Variants in AOPEP observed in about 807,000 individuals in gnomAD.
AOPEP encodes aminopeptidase O (putative).
Under a neutral mutation model 98.1 loss-of-function variants are expected in AOPEP, and 77 were observed. The ratio of observed to expected loss-of-function variants is 0.78; its 90% CI spans 0.65 to 0.95. AOPEP has a LOEUF of 0.95. Among genes scored for constraint, AOPEP ranks in the 40% least tolerant of loss-of-function variants. AOPEP has a pLI of 0.00. For synonymous variants in AOPEP, 346 were observed against 365.3 expected (o/e 0.95, Z 0.60); for missense variants, 1,024 against 1,024.7 (o/e 1.00, Z 0.01).
chr9:94,773,831 T>TAACG (rs1299173496), intron 3 of AOPEP, among the ~76,000 whole-genome samples: 1 of 152,174 alleles, frequency 6.6e-6, no homozygotes, highest in African/African-American at 2.4e-5. Context: ...AATGGCTTGA[T>TAACG]AACGGCTCAC....
intron 5 of AOPEP, among the ~76,000 whole-genome samples, chr9:94,817,685 T>A (rs966288269): frequency 6.6e-6 from 1 of 152,184 alleles, no homozygotes; most frequent in Non-Finnish European, 1.5e-5. Context: ...GGAACAGAAG[T>A]GATTTAGCAT....
intron 11 of AOPEP, among the ~76,000 whole-genome samples, chr9:94,986,187 C>T (rs72750360): frequency 0.047 from 7,081 of 152,188 alleles, 457 homozygotes; most frequent in African/African-American, 0.14. Flanking sequence ...AGACGGCCAC[C>T]TTCTCATCAT....
At chr9:94,946,682 C>A in intron 7 of AOPEP, among the ~76,000 whole-genome samples, 1 of 152,234 alleles carries the variant, frequency 6.6e-6, no homozygotes. Flanking sequence ...GAAGGCTCTT[C>A]TTTCTTTTCC....
At chr9:94,843,361 G>A (rs1245180481) in intron 5 of AOPEP, among the ~76,000 whole-genome samples, 2 of 152,172 alleles carry the variant, frequency 1.3e-5, no homozygotes, top group African/African-American at 4.8e-5. Context: ...TGATCACCTA[G>A]AGTGAGTTAA....
intron 1 of AOPEP, among the ~76,000 whole-genome samples, chr9:94,744,073 G>A (rs573529273): frequency 6.6e-6 from 1 of 152,260 alleles, no homozygotes; most frequent in East Asian, 1.9e-4. Context: ...AATGGAGTGG[G>A]GTTACTTAAT....
chr9:94,738,096 T>C (rs1189396540), intron 1 of AOPEP, among the ~76,000 whole-genome samples: 2 of 152,086 alleles, frequency 1.3e-5, no homozygotes, highest in Non-Finnish European at 2.9e-5. Context: ...CCTCAATGGG[T>C]AGTGAGGATT....
At chr9:94,852,481 C>T (rs1055345617) in intron 5 of AOPEP, among the ~76,000 whole-genome samples, 1 of 152,182 alleles carries the variant, frequency 6.6e-6, no homozygotes, top group Non-Finnish European at 1.5e-5. Flanking sequence ...GGAGAGAAGA[C>T]AGATACTTCT....
chr9:94,964,420 A>G (rs1423420385), intron 9 of AOPEP, among the ~76,000 whole-genome samples: 4 of 152,224 alleles, frequency 2.6e-5, no homozygotes, highest in East Asian at 1.9e-4. Flanking sequence ...GAAGGATCCA[A>G]TTGTAACTGG....
chr9:95,089,751 GT>G (rs374013933), downstream of AOPEP, among the ~76,000 whole-genome samples: 1 of 152,346 alleles, frequency 6.6e-6, no homozygotes, highest in African/African-American at 2.4e-5. Flanking sequence ...GTTAAGTGCT[GT>G]TTCCCAGCCT....
chr9:94,732,900 C>T (rs993491632), intron 1 of AOPEP, among the ~76,000 whole-genome samples: 4 of 152,206 alleles, frequency 2.6e-5, no homozygotes, highest in African/African-American at 9.6e-5. Flanking sequence ...GCAGCAGTCT[C>T]TGTGCTGTCT....
chr9:95,089,688 G>GT (rs1564628211), downstream of AOPEP, among the ~76,000 whole-genome samples: 3 of 152,354 alleles, frequency 2.0e-5, no homozygotes, highest in African/African-American at 7.2e-5. Context: ...GGCAGGCTGG[G>GT]TGGGGGCACG....
intron 13 of AOPEP, among the ~76,000 whole-genome samples, chr9:95,034,931 C>T (rs1320049455): frequency 6.6e-6 from 1 of 151,750 alleles, no homozygotes; most frequent in Admixed American, 6.6e-5. Flanking sequence ...CAATAACACC[C>T]AACATTTCAT....
At chr9:94,940,065 C>T (rs2056830972) in intron 7 of AOPEP, among the ~76,000 whole-genome samples, 1 of 152,206 alleles carries the variant, frequency 6.6e-6, no homozygotes. Context: ...GTCTGAAACA[C>T]TTCTGGTTCC....
intron 10 of AOPEP, among the ~76,000 whole-genome samples, chr9:94,975,452 C>G (rs1357811653): frequency 6.6e-6 from 1 of 152,072 alleles, no homozygotes; most frequent in African/African-American, 2.4e-5. Flanking sequence ...TGTGCAAGTA[C>G]TAACTATGTT....
chr9:94,994,776 A>G, intron 11 of AOPEP, among the ~76,000 whole-genome samples: 1 of 152,114 alleles, frequency 6.6e-6, no homozygotes, highest in East Asian at 1.9e-4. Flanking sequence ...ACATGGTGAA[A>G]CCTCGTCTCT....
chr9:95,018,527 A>T (rs2063192726), intron 13 of AOPEP, among the ~76,000 whole-genome samples: 1 of 152,170 alleles, frequency 6.6e-6, no homozygotes, highest in Admixed American at 6.5e-5. Context: ...CGTCAGTTGG[A>T]GTTGTAGCAA....
chr9:94,746,184 C>G (rs1834443728), intron 1 of AOPEP, among the ~76,000 whole-genome samples: 1 of 152,218 alleles, frequency 6.6e-6, no homozygotes, highest in African/African-American at 2.4e-5. Context: ...TGGGTTTCCT[C>G]TAGCCTTTGC....
At chr9:94,739,202 C>T (rs959824817) in intron 1 of AOPEP, among the ~76,000 whole-genome samples, 5 of 152,156 alleles carry the variant, frequency 3.3e-5, no homozygotes, top group Non-Finnish European at 7.4e-5. Context: ...TTGGCTGCAG[C>T]GTGGCCGTAC....
intron 14 of AOPEP, among the ~76,000 whole-genome samples, chr9:95,073,764 C>G (rs558062529): frequency 2.2e-4 from 34 of 152,152 alleles, no homozygotes; most frequent in Non-Finnish European, 4.1e-4. Context: ...GAGGCTGAGG[C>G]AGGAGAATCG....
Sources: allele counts gnomAD v4.1 joint callset (sites outside exome capture counted in the v4.1 genomes callset), GRCh38; gene constraint gnomAD v4.1.1; transcripts MANE v1.5; gene names NCBI Gene and HGNC (gene_info 2026-07-23, HGNC 2026-07-21).